AGFG1: variants seen among roughly 807,000 people sequenced by gnomAD.
AGFG1 encodes the protein ArfGAP with FG repeats 1.
AGFG1 carries 10 observed loss-of-function variants against 60.6 expected under a neutral mutation model. The observed-to-expected ratio is 0.16, with a 90% CI of 0.10 to 0.28. The LOEUF (loss-of-function observed/expected upper bound fraction) is 0.28. Among genes scored for constraint, AGFG1 ranks in the 10% least tolerant of loss-of-function variants. The pLI, the probability that AGFG1 is intolerant of heterozygous loss-of-function variation, is 1.00. For synonymous variants in AGFG1, 247 were observed against 242.9 expected (o/e 1.02, Z -0.16); for missense variants, 537 against 676.5 (o/e 0.79, Z 2.29).
chr2:227,494,337 A>G (rs973274297), intron 2 of AGFG1, among the ~76,000 whole-genome samples: 4 of 152,238 alleles, frequency 2.6e-5, no homozygotes, highest in African/African-American at 9.6e-5. Flanking sequence ...GTAAGTTTAC[A>G]TTTCAAAATA....
chr2:227,526,280 G>C (rs972147168), intron 5 of AGFG1, among the ~76,000 whole-genome samples: 1 of 151,968 alleles, frequency 6.6e-6, no homozygotes, highest in African/African-American at 2.4e-5. Flanking sequence ...TGCGACCTCC[G>C]CCACCTGGGT....
intron 1 of AGFG1, among the ~76,000 whole-genome samples, chr2:227,489,232 T>G (rs1049298909): frequency 2.6e-4 from 36 of 140,604 alleles, no homozygotes; most frequent in Middle Eastern, 3.4e-3. Flanking sequence ...AGTTTTTTTT[T>G]TTTTTTTTTT....
intron 2 of AGFG1, among the ~76,000 whole-genome samples, chr2:227,502,757 T>C (rs1010600772): frequency 3.9e-5 from 6 of 152,232 alleles, no homozygotes; most frequent in African/African-American, 1.2e-4. Context: ...TCTCAAATCA[T>C]GAGGATAATC....
intron 2 of AGFG1, among the ~76,000 whole-genome samples, chr2:227,502,952 G>A (rs1691203766): frequency 6.6e-6 from 1 of 152,132 alleles, no homozygotes; most frequent in Non-Finnish European, 1.5e-5. Flanking sequence ...AAATGACCAG[G>A]CAGGGCATGG....
rs548833844 is a variant in AGFG1, at chr2:227,477,192, C to T, written c.167+4604C>T. Reference sequence around the variant, plus strand: ...CTGGAATTACAGGCATGAGCCACCTCGCCTGGCCTAGATACTTTTTCAATT... The same window carrying T: ...CTGGAATTACAGGCATGAGCCACCTTGCCTGGCCTAGATACTTTTTCAATT... On this transcript the variant is annotated intron_variant, in intron 1 of 12. Coordinates refer to ENST00000310078, the MANE Select transcript of AGFG1 (RefSeq NM_004504.5). Among the ~76,000 whole-genome samples the T allele has an allele frequency of 2.0e-4, 30 of 152,236 alleles. 1 individual carries two copies. In the South Asian group the frequency reaches 5.6e-3, roughly 28 times the overall value.
intron 1 of AGFG1, among the ~76,000 whole-genome samples, chr2:227,476,903 C>CTT (rs55837522): frequency 2.7e-5 from 3 of 110,756 alleles, no homozygotes; most frequent in Non-Finnish European, 5.8e-5. Flanking sequence ...CTCTCTCTCT[C>CTT]TTTTTTTTTT....
chr2:227,553,754 G>C lies in AGFG1; in HGVS notation c.1588G>C (p.Gly530Arg). The C allele has an allele frequency of 6.2e-7, 1 of 1,613,834 alleles. No individual in the cohort carries two copies. The highest frequency in any genetic ancestry group is 1.1e-5 in the South Asian group (1 of 91,064). Reference sequence around the variant, plus strand: ...AACAAAGCCAGTAGTAACCCCTTTTGGTCAAGTTGCAGCTGCTGGAGTATC... The same window carrying C: ...AACAAAGCCAGTAGTAACCCCTTTTCGTCAAGTTGCAGCTGCTGGAGTATC... ...GQTKPVVTPF[G>R]QVAAAGVSSN... The change falls in exon 12 of 13, where the codon GGT (glycine) becomes CGT (arginine). Residue 530 changes from glycine (G) to arginine (R), a missense_variant. By Grantham distance (125) the Gly-to-Arg change is moderately radical. This residue lies in a region of AGFG1 where 28 missense variants were observed against 51.5 expected (regional missense o/e 0.54). Transcript: ENST00000310078.
At position 227,554,588 on chromosome 2, in the gene AGFG1, C is replaced by A; in HGVS notation, c.*93C>A. 2 of 1,091,774 alleles carry A rather than the reference C, an allele frequency of 1.8e-6. No homozygotes were observed. The highest frequency in any genetic ancestry group is 1.5e-5 in the South Asian group (1 of 65,628). 67.6% of individuals were successfully genotyped at this position (1,091,774 alleles called of 1,614,324 possible). A position where few individuals can be genotyped will look rare whatever the true frequency, so the allele number is the denominator to read the frequency against. ...TGTTGTCTTGTTTCACTGATCTTAG[C>A]TTTAAACACAAGAGAAGTCTTTAAA... On this transcript the variant is annotated 3_prime_UTR_variant, in exon 13 of 13. Transcript: ENST00000310078.
Position 227,472,595 on chromosome 2 carries a change from G to A in AGFG1, c.167+7G>A, listed in dbSNP as rs760146497. 1 of 1,569,328 alleles carries A rather than the reference G, an allele frequency of 6.4e-7. No individual in the cohort carries two copies. Among genetic ancestry groups the A allele is most frequent in the Non-Finnish European group, 8.6e-7 (1 of 1,157,954 alleles). On this transcript the variant is annotated splice_region_variant and intron_variant, in intron 1 of 12. Coordinates refer to ENST00000310078, the MANE Select transcript of AGFG1 (RefSeq NM_004504.5). Reference sequence around the variant, plus strand: ...CCTCCTGCTCCGGCAGCCTGTGAGTGCGGGGCGGCCGGGCGGGTGTCGGGC... The same window carrying A: ...CCTCCTGCTCCGGCAGCCTGTGAGTACGGGGCGGCCGGGCGGGTGTCGGGC...
chr2:227,540,885 A>G (rs1167409203), intron 10 of AGFG1, among the ~76,000 whole-genome samples: 7 of 152,162 alleles, frequency 4.6e-5, no homozygotes, highest in African/African-American at 1.7e-4. Context: ...AATGATCACC[A>G]TTCTAACTTG....
chr2:227,519,126 A>G (rs1204081984), intron 2 of AGFG1, among the ~76,000 whole-genome samples: 1 of 152,192 alleles, frequency 6.6e-6, no homozygotes, highest in African/African-American at 2.4e-5. Flanking sequence ...AGATTGCACC[A>G]CTGCACTCCA....
In AGFG1 at chr2:227,529,041, G is replaced by C. The variant is rs547453309; in HGVS notation, c.695-2050G>C. Among the ~76,000 whole-genome samples, 7 of 152,226 alleles carry C rather than the reference G, an allele frequency of 4.6e-5. No homozygotes were observed. In the South Asian group the frequency reaches 1.5e-3, roughly 32 times the overall value. On this transcript the variant is annotated intron_variant, in intron 5 of 12. Coordinates refer to ENST00000310078, the MANE Select transcript of AGFG1 (RefSeq NM_004504.5). The stretch of plus-strand genomic sequence containing the variant: ...GTTCTTAATTACAAATGACTGCTCA[G>C]ATTACCTTTTTTTTCTTTACTTTAT...
intron 10 of AGFG1, among the ~76,000 whole-genome samples, chr2:227,545,959 G>A (rs1692633875): frequency 6.6e-6 from 1 of 152,218 alleles, no homozygotes; most frequent in Non-Finnish European, 1.5e-5. Flanking sequence ...ACTTGAGGAG[G>A]CAGTCTGGCC....
chr2:227,480,514 C>T (rs1559164929), intron 1 of AGFG1, among the ~76,000 whole-genome samples: 1 of 152,148 alleles, frequency 6.6e-6, no homozygotes, highest in East Asian at 1.9e-4. Flanking sequence ...ATTCTCCTGC[C>T]TCAGCCTCCC....
At chr2:227,496,127 A>C (rs1559172672) in intron 2 of AGFG1, among the ~76,000 whole-genome samples, 1 of 150,648 alleles carries the variant, frequency 6.6e-6, no homozygotes, top group Non-Finnish European at 1.5e-5. Context: ...AAAAAAAAGA[A>C]AAAAAAAGAA....
Position 227,534,840 on chromosome 2 carries a change from C to A in AGFG1, c.1025-5C>A. 1 of 1,610,832 alleles carries A rather than the reference C, an allele frequency of 6.2e-7. No individual in the cohort carries two copies. The highest frequency in any genetic ancestry group is 8.5e-7 in the Non-Finnish European group (1 of 1,178,422). On this transcript the variant is annotated splice_region_variant and splice_polypyrimidine_tract_variant and intron_variant, in intron 7 of 12. Transcript: ENST00000310078. Reference sequence around the variant, plus strand: ...TTGGTGTAACTTGATTTTGTTCGTTCCCAGGTGGTGATCAGGGAAGTGGCT... The same window carrying A: ...TTGGTGTAACTTGATTTTGTTCGTTACCAGGTGGTGATCAGGGAAGTGGCT...
intron 1 of AGFG1, among the ~76,000 whole-genome samples, chr2:227,490,326 C>T (rs1265230777): frequency 6.6e-6 from 1 of 152,198 alleles, no homozygotes; most frequent in East Asian, 1.9e-4. Flanking sequence ...CGCCTGTAAT[C>T]CCAGCACTTT....
At chr2:227,544,969 G>A (rs1357699739) in intron 10 of AGFG1, among the ~76,000 whole-genome samples, 1 of 152,082 alleles carries the variant, frequency 6.6e-6, no homozygotes, top group Admixed American at 6.5e-5. Context: ...TATCTTTGTG[G>A]TGTTCTCTGT....
chr2:227,522,045 T>A (rs923140670), intron 3 of AGFG1, among the ~76,000 whole-genome samples: 2 of 152,190 alleles, frequency 1.3e-5, no homozygotes, highest in Non-Finnish European at 2.9e-5. Flanking sequence ...ATAAGCACTA[T>A]CCAGATGCAG....
Sources: allele counts gnomAD v4.1 joint callset (sites outside exome capture counted in the v4.1 genomes callset), GRCh38; gene constraint gnomAD v4.1.1; regional missense constraint gnomAD v4.1.1; transcripts MANE v1.5; gene names NCBI Gene and HGNC (gene_info 2026-07-23, HGNC 2026-07-21).